The following LMNA variants were observed in gnomAD, a reference collection of about 807,000 sequenced individuals.
LMNA encodes the protein lamin A/C, also known as lamin.
Under a neutral mutation model 70.4 loss-of-function variants are expected in LMNA, and 20 were observed. That is an observed-to-expected ratio of 0.28 (90% CI 0.20 to 0.41). The LOEUF (loss-of-function observed/expected upper bound fraction) is 0.41, where lower values mean the gene tolerates loss of function less well. LMNA is among the 10% of genes least tolerant of loss of function. LMNA has a pLI of 1.00. For missense variants in LMNA, 652 were observed against 917.2 expected (o/e 0.71, Z 3.73); for synonymous variants, 339 against 372.8 (o/e 0.91, Z 1.04).
chr1:156,103,149 C>A lies in LMNA; in HGVS notation c.-206-11564C>A, dbSNP rs1368147787. The stretch of plus-strand genomic sequence containing the variant: ...GCAGCTGCTCTGGCCAACCCTCCAA[C>A]CCTGGAGAACCTCCATAGGCACCAG... On this transcript the variant is annotated intron_variant, in intron 3 of 12. Transcript: ENST00000368301. This position sits in a 1 kb window ranked among gnomAD's most constrained non-coding sequence, Gnocchi z 4.7. Among the ~76,000 whole-genome samples, 1 of 152,240 alleles carries A rather than the reference C, an allele frequency of 6.6e-6. No homozygotes were observed. Among genetic ancestry groups the A allele is most frequent in the Non-Finnish European group, 1.5e-5 (1 of 68,042 alleles).
Position 156,114,928 on chromosome 1 carries a change from C to G in LMNA, c.10C>G (p.Pro4Ala). 6.4e-7 allele frequency: 1 copy of G among 1,557,040 alleles called. No individual in the cohort carries two copies. Among genetic ancestry groups the G allele is most frequent in the South Asian group, 1.2e-5 (1 of 84,760 alleles). The stretch of plus-strand genomic sequence containing the variant: ...TGCCAACCTGCCGGCCATGGAGACC[C>G]CGTCCCAGCGGCGCGCCACCCGCAG... MET[P>A]SQRRATRSGA... Residue 4 changes from proline (P) to alanine (A), a missense_variant, in exon 1 of 12, where the codon CCG becomes GCG. Pro to Ala is a conservative substitution (Grantham distance 27, BLOSUM62 -1). Around this residue, in one of 4 missense-constraint regions of LMNA, gnomAD observed 254 missense variants for 421.9 expected, o/e 0.60. Transcript: ENST00000368300.
chr1:156,110,975 CA>C (rs1018367301), upstream of LMNA, among the ~76,000 whole-genome samples: 2 of 151,412 alleles, frequency 1.3e-5, no homozygotes, highest in African/African-American at 4.8e-5. Flanking sequence ...GACTCCAACT[CA>C]AAAAAAATTA....
rs371687965 is a variant in LMNA, at chr1:156,095,282, G to A, written c.-207+4700G>A. Among the ~76,000 whole-genome samples the A allele has an allele frequency of 2.0e-5, 3 of 152,058 alleles. 1 individual carries two copies. Among genetic ancestry groups the A allele is most frequent in the East Asian group, 1.9e-4 (1 of 5,140 alleles). On this transcript the variant is annotated intron_variant, in intron 3 of 12. Coordinates refer to the LMNA transcript ENST00000368301. The stretch of plus-strand genomic sequence containing the variant: ...TGTGTTCATGTTACTCGGACTGATC[G>A]CTCTCCATGAATAAGGGATGTGTCT...
intron 2 of LMNA, 30 bp downstream of exon 2, chr1:156,130,803 G>C: frequency 1.3e-6 from 2 of 1,553,614 alleles, no homozygotes; most frequent in East Asian, 2.4e-5. Flanking sequence ...CCCACCCATG[G>C]CCCCACCTAA....
chr1:156,118,035 G>A (rs1649957766), intron 1 of LMNA, among the ~76,000 whole-genome samples: 2 of 140,968 alleles, frequency 1.4e-5, no homozygotes, highest in African/African-American at 5.4e-5. Context: ...ATGTTGCTCA[G>A]CTGGTTCCGA....
chr1:156,138,213 T>C lies in LMNA; in HGVS notation c.1699-275T>C. The C allele has an allele frequency of 1.7e-6, 1 of 578,392 alleles. No homozygotes were observed. The highest frequency in any genetic ancestry group is 3.1e-6 in the Non-Finnish European group (1 of 324,414). The allele number at this position is 578,392 out of a possible 1,614,324, so 35.8% of individuals were successfully genotyped here. On this transcript the variant is annotated intron_variant, in intron 10 of 11. Coordinates refer to ENST00000368300, the MANE Select transcript of LMNA (RefSeq NM_170707.4). This position sits in a 1 kb window ranked among gnomAD's most constrained non-coding sequence, Gnocchi z 5.5. ...ACAAGCTTGCTCCCGTTCTCTCTTCTTTTCCTCTTAAGCTCAGAGTAGCTA... is the reference window on the plus strand; with the variant it reads ...ACAAGCTTGCTCCCGTTCTCTCTTCCTTTCCTCTTAAGCTCAGAGTAGCTA...
At chr1:156,089,597 A>AC (rs1648614898) in intron 2 of LMNA, among the ~76,000 whole-genome samples, 1 of 104,684 alleles carries the variant, frequency 9.6e-6, no homozygotes, top group Admixed American at 1.2e-4. Context: ...CCGTCTAAAA[A>AC]AAAAAAAGAA....
At position 156,138,375 on chromosome 1, in the gene LMNA, A is replaced by C; in HGVS notation, c.1699-113A>C. 7.8e-7 allele frequency: 1 copy of C among 1,279,164 alleles called. No individual in the cohort carries two copies. Among genetic ancestry groups the C allele is most frequent in the Non-Finnish European group, 1.1e-6 (1 of 921,666 alleles). 79.2% of individuals were successfully genotyped at this position (1,279,164 alleles called of 1,614,324 possible). On this transcript the variant is annotated intron_variant, in intron 10 of 11. Transcript: ENST00000368300. This position sits in a 1 kb window ranked among gnomAD's most constrained non-coding sequence, Gnocchi z 5.5. ...TTGCCCGCTGGCTCCTTGGGCACAG[A>C]ACCACACCTTCCTGCCTGGCGGCTG...
chr1:156,109,515 C>T (rs11590832), upstream of LMNA: 25,515 of 152,458 alleles, frequency 0.17, 2,508 homozygotes, highest in Non-Finnish European at 0.23. Flanking sequence ...CACTTCAGCA[C>T]CTCTGCACAG....
At chr1:156,112,399 G>A (rs535219194), upstream of LMNA, among the ~76,000 whole-genome samples, 15 of 152,106 alleles carry the variant, frequency 9.9e-5, no homozygotes, top group Non-Finnish European at 1.9e-4. Context: ...GAGCGGGGAG[G>A]TCTAGGACAG....
chr1:156,127,034 C>A (rs959421985), intron 1 of LMNA: 13 of 1,007,408 alleles, frequency 1.3e-5, no homozygotes, highest in Non-Finnish European at 1.7e-5. Flanking sequence ...CCCTGTCCTC[C>A]CTGCCAACCC....
At chr1:156,105,538 C>T (rs926948920) in intron 3 of LMNA, among the ~76,000 whole-genome samples, 4 of 152,152 alleles carry the variant, frequency 2.6e-5, no homozygotes, top group African/African-American at 9.7e-5. Context: ...ACCTCCTGGC[C>T]TGAGGGCCAG....
At chr1:156,085,669 G>C (rs1174724372) in intron 2 of LMNA, among the ~76,000 whole-genome samples, 1 of 152,210 alleles carries the variant, frequency 6.6e-6, no homozygotes. Context: ...GGAAAGAGCA[G>C]GTCTCCAAAG....
At chr1:156,119,525 G>T (rs1572338304) in intron 1 of LMNA, among the ~76,000 whole-genome samples, 1 of 152,360 alleles carries the variant, frequency 6.6e-6, no homozygotes, top group African/African-American at 2.4e-5. Context: ...CTCCCAAAGT[G>T]CTGGGATGTA....
intron 1 of LMNA, chr1:156,082,821 G>A (rs913365158): frequency 6.6e-6 from 1 of 152,152 alleles, no homozygotes; most frequent in East Asian, 1.9e-4. Context: ...AAATGAGGAG[G>A]GGGGGCCGGG....
rs1303013860 is a variant in LMNA at position 156,134,219 on chromosome 1, G to A, written c.514-184G>A. Reference sequence around the variant, plus strand: ...TATTAGATATATATTTTCTCTCTTAGCACAGTACCTACCAAGAGTGAGTGA... The same window carrying A: ...TATTAGATATATATTTTCTCTCTTAACACAGTACCTACCAAGAGTGAGTGA... On this transcript the variant is annotated intron_variant, in intron 2 of 11. Coordinates refer to ENST00000368300, the MANE Select transcript of LMNA (RefSeq NM_170707.4). This position sits in a 1 kb window ranked among gnomAD's most constrained non-coding sequence, Gnocchi z 5.3. 6.6e-6 allele frequency among the ~76,000 whole-genome samples: 1 copy of A among 152,086 alleles called. No homozygotes were observed. The highest frequency in any genetic ancestry group is 1.5e-5 in the Non-Finnish European group (1 of 68,018).
intron 3 of LMNA, among the ~76,000 whole-genome samples, chr1:156,099,658 G>A (rs1649067752): frequency 6.6e-6 from 1 of 151,990 alleles, no homozygotes; most frequent in Admixed American, 6.6e-5. Flanking sequence ...CGAGGTGGTG[G>A]ATCATCTGAG....
chr1:156,100,791 G>T (rs1432509471), intron 3 of LMNA, among the ~76,000 whole-genome samples: 1 of 152,156 alleles, frequency 6.6e-6, no homozygotes, highest in Non-Finnish European at 1.5e-5. Context: ...CACTGTGCCA[G>T]GTGCTGGCAG....
Position 156,134,704 on chromosome 1 carries a change from C to A in LMNA, c.640-101C>A. On this transcript the variant is annotated intron_variant, in intron 3 of 11. Transcript: ENST00000368300. This position sits in a 1 kb window ranked among gnomAD's most constrained non-coding sequence, Gnocchi z 5.3. ...CAGGTTAAAGTGGGGCTGGTAGTGGCTCATGGAGTAGGGCTGGGCAGGGAG... is the reference window on the plus strand; with the variant it reads ...CAGGTTAAAGTGGGGCTGGTAGTGGATCATGGAGTAGGGCTGGGCAGGGAG... 6.4e-7 allele frequency: 1 copy of A among 1,565,144 alleles called. No individual in the cohort carries two copies. The highest frequency in any genetic ancestry group is 8.8e-7 in the Non-Finnish European group (1 of 1,137,812).
Sources: allele counts gnomAD v4.1 joint callset (sites outside exome capture counted in the v4.1 genomes callset), GRCh38; gene constraint gnomAD v4.1.1; regional missense constraint gnomAD v4.1.1; non-coding constraint Gnocchi (gnomAD v3.1); transcripts MANE v1.5; gene names NCBI Gene and HGNC (gene_info 2026-07-23, HGNC 2026-07-21).